Variants in PLXNA4 observed in about 807,000 individuals in gnomAD.
The protein encoded by PLXNA4 is plexin-A4.
Under a neutral mutation model 191.8 loss-of-function variants are expected in PLXNA4, and 44 were observed. That is an observed-to-expected ratio of 0.23 (90% CI 0.18 to 0.29). PLXNA4 has a LOEUF of 0.29. PLXNA4 is among the 10% of genes least tolerant of loss of function. PLXNA4 has a pLI of 1.00. For synonymous variants in PLXNA4, 1,082 were observed against 1,009.5 expected (o/e 1.07, Z -1.36); for missense variants, 1,800 against 2,488.8 (o/e 0.72, Z 5.89).
At chr7:132,307,145 A>G (rs1801554970) in intron 3 of PLXNA4, among the ~76,000 whole-genome samples, 2 of 152,032 alleles carry the variant, frequency 1.3e-5, no homozygotes, top group African/African-American at 2.4e-5. Context: ...CTCACTGCCA[A>G]TATCCCTACA....
chr7:132,370,599 G>A (rs1804396727), intron 3 of PLXNA4, among the ~76,000 whole-genome samples: 1 of 152,202 alleles, frequency 6.6e-6, no homozygotes, highest in East Asian at 1.9e-4. Context: ...AGCGGTGCCA[G>A]CTATCCTGGA....
At chr7:132,586,016 G>A (rs913221163) in intron 2 of PLXNA4, among the ~76,000 whole-genome samples, 1 of 152,232 alleles carries the variant, frequency 6.6e-6, no homozygotes, top group African/African-American at 2.4e-5. Flanking sequence ...GGAAACGTAA[G>A]AGAGAATATC....
chr7:132,151,271 A>AGAAGAAGGAGGAGGAGGAG (rs1795592884), intron 25 of PLXNA4, among the ~76,000 whole-genome samples: 1 of 95,526 alleles, frequency 1.0e-5, no homozygotes, highest in African/African-American at 3.4e-5. Flanking sequence ...AGGAGGAGGA[A>AGAAGAAGGAGGAGGAGGAG]GAAGAAGGAG....
At chr7:132,279,315 G>T (rs1387932045) in intron 4 of PLXNA4, among the ~76,000 whole-genome samples, 1 of 152,198 alleles carries the variant, frequency 6.6e-6, no homozygotes, top group Non-Finnish European at 1.5e-5. Context: ...TTAACATAGT[G>T]ACAGGTTGGA....
upstream of PLXNA4, among the ~76,000 whole-genome samples, chr7:132,582,271 C>T (rs1377836027): frequency 1.3e-5 from 2 of 152,146 alleles, no homozygotes; most frequent in East Asian, 3.9e-4. Context: ...AAGTTGTTTT[C>T]CTTGTGATGA....
chr7:132,594,127 G>A (rs1016529061), intron 2 of PLXNA4, among the ~76,000 whole-genome samples: 1 of 152,246 alleles, frequency 6.6e-6, no homozygotes, highest in Admixed American at 6.5e-5. Context: ...ATCTCAGAAT[G>A]TAACCTTTTG....
intron 4 of PLXNA4, chr7:132,271,108 CA>C (rs1800052465): frequency 1.3e-5 from 2 of 152,198 alleles, no homozygotes; most frequent in Admixed American, 1.3e-4. Context: ...CTTTTCCCCC[CA>C]CAGCAACAAT....
At chr7:132,407,637 A>C (rs1321465527) in intron 3 of PLXNA4, among the ~76,000 whole-genome samples, 1 of 152,174 alleles carries the variant, frequency 6.6e-6, no homozygotes, top group Non-Finnish European at 1.5e-5. Context: ...ACGTCAATAC[A>C]TCTCTCCTGG....
At chr7:132,618,238 C>T (rs1803193168) in intron 2 of PLXNA4, among the ~76,000 whole-genome samples, 1 of 152,230 alleles carries the variant, frequency 6.6e-6, no homozygotes, top group African/African-American at 2.4e-5. Context: ...TCCTGGCAAG[C>T]CATGTGGCCT....
intron 3 of PLXNA4, among the ~76,000 whole-genome samples, chr7:132,443,325 C>A (rs1795768109): frequency 6.6e-6 from 1 of 152,222 alleles, no homozygotes; most frequent in South Asian, 2.1e-4. Flanking sequence ...GGGCTGTTCT[C>A]CATCTGGTTC....
intron 3 of PLXNA4, among the ~76,000 whole-genome samples, chr7:132,304,210 T>C (rs909203891): frequency 2.0e-5 from 3 of 152,192 alleles, no homozygotes; most frequent in Non-Finnish European, 4.4e-5. Context: ...TTTGATCATC[T>C]TCCTGCAGCA....
At chr7:132,561,658 T>C (rs1241107805) in intron 1 of PLXNA4, among the ~76,000 whole-genome samples, 183 of 59,116 alleles carry the variant, frequency 3.1e-3, no homozygotes, top group East Asian at 4.4e-3. Context: ...TCTTCCTCCT[T>C]TTCCTCATCC....
chr7:132,230,654 T>A (rs894151938), intron 5 of PLXNA4, among the ~76,000 whole-genome samples: 6 of 152,176 alleles, frequency 3.9e-5, no homozygotes, highest in Non-Finnish European at 5.9e-5. Context: ...CTTCAGCCAT[T>A]AAGCTAATGT....
chr7:132,499,828 C>A (rs764489201), intron 2 of PLXNA4, among the ~76,000 whole-genome samples: 8 of 152,122 alleles, frequency 5.3e-5, no homozygotes, highest in African/African-American at 1.4e-4. Context: ...ATCAGCCGAA[C>A]AAATCCCATT....
At chr7:132,337,149 C>T (rs561504245) in intron 3 of PLXNA4, among the ~76,000 whole-genome samples, 1 of 152,342 alleles carries the variant, frequency 6.6e-6, no homozygotes, top group African/African-American at 2.4e-5. Context: ...AAATCAGTTT[C>T]TCTTTATTGC....
At chr7:132,284,371 C>T (rs1004871614) in intron 4 of PLXNA4, among the ~76,000 whole-genome samples, 9 of 152,220 alleles carry the variant, frequency 5.9e-5, no homozygotes, top group Admixed American at 6.5e-5. Flanking sequence ...GTCTCCTACA[C>T]GTGTCATGCT....
intron 4 of PLXNA4, among the ~76,000 whole-genome samples, chr7:132,253,008 A>G (rs1177391571): frequency 6.6e-6 from 1 of 152,220 alleles, no homozygotes; most frequent in Non-Finnish European, 1.5e-5. Context: ...CTGTGTATAC[A>G]TATATATGCA....
intron 1 of PLXNA4, among the ~76,000 whole-genome samples, chr7:132,563,089 TC>T (rs1801378502): frequency 5.2e-5 from 4 of 76,758 alleles, no homozygotes; most frequent in Non-Finnish European, 1.1e-4. Flanking sequence ...CTCCTCCTCC[TC>T]TTCTTCCTCC....
At chr7:132,627,054 C>T (rs188621410) in intron 2 of PLXNA4, among the ~76,000 whole-genome samples, 166 of 152,278 alleles carry the variant, frequency 1.1e-3, no homozygotes, top group Non-Finnish European at 2.0e-3. Context: ...ATCAATCCCA[C>T]CTCTGAATAT....
Sources: gnomAD v4.1 joint callset for allele counts (sites outside exome capture counted in the v4.1 genomes callset) on GRCh38, gnomAD v4.1.1 for gene constraint, MANE v1.5 for transcripts, NCBI Gene and HGNC (gene_info 2026-07-23, HGNC 2026-07-21) for gene names.